RGS9: variants seen among roughly 807,000 people sequenced by gnomAD.
The protein encoded by RGS9 is regulator of G-protein signalling 9.
RGS9 carries 78 observed loss-of-function variants against 102.0 expected under a neutral mutation model. The ratio of observed to expected loss-of-function variants is 0.76; its 90% CI spans 0.64 to 0.92. The LOEUF (loss-of-function observed/expected upper bound fraction) is 0.92. Among genes scored for constraint, RGS9 ranks in the 40% least tolerant of loss-of-function variants. RGS9 has a pLI of 0.00. For synonymous variants in RGS9, 353 were observed against 318.6 expected (o/e 1.11, Z -1.15); for missense variants, 833 against 866.1 (o/e 0.96, Z 0.48).
At chr17:65,224,905 G>C in intron 17 of RGS9, 97 bp from the exon 18 acceptor site, 1 of 1,536,354 alleles carries the variant, frequency 6.5e-7, no homozygotes, top group Non-Finnish European at 8.9e-7. Context: ...CACTCTTGTC[G>C]CTGGAAGGGG....
At chr17:65,203,087 T>C (rs1277964346) in intron 14 of RGS9, among the ~76,000 whole-genome samples, 1 of 152,252 alleles carries the variant, frequency 6.6e-6, no homozygotes, top group Non-Finnish European at 1.5e-5. Context: ...ACTTAGCCTC[T>C]GGACCCTGGA....
chr17:65,148,590 T>A (rs1910457522), intron 1 of RGS9, among the ~76,000 whole-genome samples: 1 of 152,152 alleles, frequency 6.6e-6, no homozygotes, highest in Admixed American at 6.5e-5. Flanking sequence ...GAAACCTGAG[T>A]CCTTCTTATA....
chr17:65,168,624 C>T (rs948691094), intron 8 of RGS9, among the ~76,000 whole-genome samples: 14 of 150,518 alleles, frequency 9.3e-5, no homozygotes, highest in African/African-American at 3.4e-4. Context: ...GAACGTAGGC[C>T]CCAATGGAGG....
chr17:65,159,107 C>T (rs1910881862), intron 3 of RGS9, among the ~76,000 whole-genome samples: 1 of 152,160 alleles, frequency 6.6e-6, no homozygotes. Context: ...AATTCCTTCT[C>T]CTGGCTCATC....
chr17:65,181,280 C>G (rs964365669), intron 9 of RGS9, among the ~76,000 whole-genome samples: 1 of 152,214 alleles, frequency 6.6e-6, no homozygotes, highest in African/African-American at 2.4e-5. Context: ...ATAAGCTTCC[C>G]TTTTCTCCTT....
chr17:65,137,841 C>T (rs1409470269), intron 1 of RGS9, among the ~76,000 whole-genome samples: 1 of 152,268 alleles, frequency 6.6e-6, no homozygotes, highest in Non-Finnish European at 1.5e-5. Flanking sequence ...GAGGTGAAAA[C>T]AACCTGTTAC....
In RGS9 at chr17:65,145,562, TTTA is replaced by T. The variant is rs1272669403; in HGVS notation, c.58-7859_58-7857del. Among the ~76,000 whole-genome samples, 989 of 141,770 alleles carry T rather than the reference TTTA, an allele frequency of 7.0e-3. 13 individuals are homozygous for T. The highest frequency in any genetic ancestry group is 0.024 in the African/African-American group (922 of 38,240). The allele number at this position is 141,770 out of a possible 152,430, so 93.0% of individuals were successfully genotyped here. A position where few individuals can be genotyped will look rare whatever the true frequency, so the allele number is the denominator to read the frequency against. ...ACCACTCCTGGCTATTTTTTTTTTTTTTAATATATTTTTAATAGAGATGAGGTT... is the reference window on the plus strand; with the variant it reads ...ACCACTCCTGGCTATTTTTTTTTTTTATATATTTTTAATAGAGATGAGGTT... On this transcript the variant is annotated intron_variant, in intron 1 of 18. Coordinates refer to ENST00000262406, the MANE Select transcript of RGS9 (RefSeq NM_003835.4).
chr17:65,160,495 A>G, intron 4 of RGS9, 41 bp from the exon 5 acceptor site: 1 of 1,613,406 alleles, frequency 6.2e-7, no homozygotes, highest in Non-Finnish European at 8.5e-7. Context: ...ATTGAGTCAC[A>G]ATCCAGTTTT....
chr17:65,156,647 G>A (rs1360033004), intron 2 of RGS9, among the ~76,000 whole-genome samples: 1 of 152,242 alleles, frequency 6.6e-6, no homozygotes, highest in East Asian at 1.9e-4. Flanking sequence ...AGATGCTGGT[G>A]GCACCATAAT....
chr17:65,197,673 T>A (rs1052641393), intron 13 of RGS9, among the ~76,000 whole-genome samples: 1 of 146,184 alleles, frequency 6.8e-6, no homozygotes, highest in South Asian at 2.1e-4. Context: ...TGTTTCTTTC[T>A]TTTTTTTTTT....
chr17:65,225,493 A>G lies in RGS9; in HGVS notation c.1892+7A>G. ...AATCCAAGAGAGTAGCAAAGTAAGAACCCGAAGGGGACGTGCCGTATGCAT... is the reference window on the plus strand; with the variant it reads ...AATCCAAGAGAGTAGCAAAGTAAGAGCCCGAAGGGGACGTGCCGTATGCAT... On this transcript the variant is annotated splice_region_variant and intron_variant, in intron 18 of 18. Transcript: ENST00000262406. 1 of 1,600,658 alleles carries G rather than the reference A, an allele frequency of 6.2e-7. No individual in the cohort carries two copies. The highest frequency in any genetic ancestry group is 8.5e-7 in the Non-Finnish European group (1 of 1,179,940).
intron 12 of RGS9, among the ~76,000 whole-genome samples, chr17:65,195,339 C>G (rs1395587545): frequency 6.6e-6 from 1 of 152,106 alleles, no homozygotes; most frequent in Non-Finnish European, 1.5e-5. Context: ...AATGTGTGTT[C>G]TGTGTAAGAA....
intron 15 of RGS9, among the ~76,000 whole-genome samples, chr17:65,206,506 C>T (rs976196226): frequency 6.6e-6 from 1 of 152,042 alleles, no homozygotes; most frequent in African/African-American, 2.4e-5. Flanking sequence ...GGTGAAACCC[C>T]GTCTCTACCA....
At chr17:65,183,290 T>G (rs948114117) in intron 9 of RGS9, among the ~76,000 whole-genome samples, 2 of 152,128 alleles carry the variant, frequency 1.3e-5, no homozygotes, top group African/African-American at 4.8e-5. Flanking sequence ...GCACAGCTAA[T>G]TTTTATATTT....
intron 8 of RGS9, among the ~76,000 whole-genome samples, chr17:65,171,224 C>T (rs1005655837): frequency 2.6e-5 from 4 of 152,160 alleles, no homozygotes; most frequent in African/African-American, 7.2e-5. Context: ...TTGACTTTGT[C>T]CCAGGGAAGG....
intron 17 of RGS9, among the ~76,000 whole-genome samples, chr17:65,213,971 T>G (rs1175183581): frequency 6.6e-6 from 1 of 152,176 alleles, no homozygotes; most frequent in Non-Finnish European, 1.5e-5. Context: ...ATTTATTTAT[T>G]TTTTGTTTGA....
chr17:65,170,075 G>C (rs758305770), intron 8 of RGS9, among the ~76,000 whole-genome samples: 22 of 136,728 alleles, frequency 1.6e-4, no homozygotes, highest in Admixed American at 3.0e-4. Context: ...TTTTTTCTGA[G>C]ATGGAGCCTT....
intron 17 of RGS9, among the ~76,000 whole-genome samples, chr17:65,215,500 C>CTTTCTT (rs1913479642): frequency 2.1e-5 from 2 of 95,046 alleles, no homozygotes; most frequent in Non-Finnish European, 4.8e-5. Context: ...TTCTTTCGTT[C>CTTTCTT]TTTCTTTCTT....
rs114899596 is a variant in RGS9 at position 65,178,799 on chromosome 17, C to T, written c.654+996C>T. On this transcript the variant is annotated intron_variant, in intron 9 of 18. Transcript: ENST00000262406. ...AGATTACAGGTGTGAGCCACTGTGC[C>T]TGGCTCAGATAGACAATTCTTTGGT... 8.8e-3 allele frequency among the ~76,000 whole-genome samples: 1,342 copies of T among 152,316 alleles called. 20 individuals are homozygous for T. Among genetic ancestry groups the T allele is most frequent in the African/African-American group, 0.031 (1,288 of 41,546 alleles).
Sources: allele counts gnomAD v4.1 joint callset (sites outside exome capture counted in the v4.1 genomes callset), GRCh38; gene constraint gnomAD v4.1.1; transcripts MANE v1.5; gene names NCBI Gene and HGNC (gene_info 2026-07-23, HGNC 2026-07-21).